The following PTPRD variants were observed in gnomAD, a reference collection of about 807,000 sequenced individuals.
The protein encoded by PTPRD is receptor-type tyrosine-protein phosphatase delta.
In PTPRD, 34 loss-of-function variants were observed where a neutral mutation model predicts 214.5. The ratio of observed to expected loss-of-function variants is 0.16; its 90% CI spans 0.12 to 0.21. PTPRD has a LOEUF of 0.21. PTPRD is among the 10% of genes least tolerant of loss of function. The pLI is 1.00. For synonymous variants in PTPRD, 1,128 were observed against 845.7 expected, an observed-to-expected ratio of 1.33 and a Z score of -5.79; for missense variants, 2,545 against 2,398.7, an observed-to-expected ratio of 1.06 and a Z score of -1.27.
At chr9:8,527,832 T>A (rs975190526) in intron 15 of PTPRD, among the ~76,000 whole-genome samples, 59 of 152,124 alleles carry the variant, frequency 3.9e-4, no homozygotes, top group African/African-American at 1.3e-3. Context: ...AGCTGGAGTC[T>A]ACACCAAAAG....
chr9:9,027,497 A>C (rs974366295), intron 10 of PTPRD, among the ~76,000 whole-genome samples: 6 of 151,932 alleles, frequency 3.9e-5, no homozygotes, highest in Non-Finnish European at 1.5e-5. Flanking sequence ...TTTTAGCATC[A>C]ATATTATTAA....
At chr9:9,317,804 AT>A (rs1346232315) in intron 9 of PTPRD, among the ~76,000 whole-genome samples, 2 of 152,122 alleles carry the variant, frequency 1.3e-5, no homozygotes, top group Non-Finnish European at 2.9e-5. Context: ...GATATTAATA[AT>A]TTTTTTCATC....
intron 4 of PTPRD, among the ~76,000 whole-genome samples, chr9:9,978,670 T>C (rs149004812): frequency 1.3e-5 from 2 of 152,114 alleles, no homozygotes; most frequent in East Asian, 1.9e-4. Flanking sequence ...ATATAATATA[T>C]GCACAGATAG....
intron 36 of PTPRD, 49 bp from the exon 37 acceptor site, chr9:8,389,456 A>C (rs563943916): frequency 6.8e-7 from 1 of 1,474,858 alleles, no homozygotes; most frequent in East Asian, 2.3e-5. Context: ...TCACAAGAGG[A>C]AACAGCCTGG....
intron 4 of PTPRD, among the ~76,000 whole-genome samples, chr9:10,005,573 T>A: frequency 6.6e-6 from 1 of 152,136 alleles, no homozygotes; most frequent in East Asian, 1.9e-4. Flanking sequence ...CCTTTCTTAA[T>A]TCTTCCTAAA....
At chr9:10,523,601 GTATATA>G (rs201455705) in intron 2 of PTPRD, among the ~76,000 whole-genome samples, 1,609 of 64,350 alleles carry the variant, frequency 0.025, 111 homozygotes, top group African/African-American at 0.057. Context: ...ATATTTATCT[GTATATA>G]TATATATATA....
At chr9:9,547,523 A>C (rs1283948834) in intron 8 of PTPRD, among the ~76,000 whole-genome samples, 1 of 151,948 alleles carries the variant, frequency 6.6e-6, no homozygotes, top group Non-Finnish European at 1.5e-5. Flanking sequence ...GTCTACTTTC[A>C]ACTGTTTGAG....
chr9:9,656,025 G>T (rs2096503699), intron 7 of PTPRD, among the ~76,000 whole-genome samples: 1 of 152,106 alleles, frequency 6.6e-6, no homozygotes, highest in Admixed American at 6.6e-5. Flanking sequence ...ATGAAAAGTT[G>T]CTCAACATCA....
At chr9:9,102,208 C>T (rs2099792347) in intron 10 of PTPRD, among the ~76,000 whole-genome samples, 1 of 152,072 alleles carries the variant, frequency 6.6e-6, no homozygotes, top group Non-Finnish European at 1.5e-5. Flanking sequence ...TTTTTAATAG[C>T]TTTTCATTTT....
intron 2 of PTPRD, among the ~76,000 whole-genome samples, chr9:10,469,209 G>C (rs2099014246): frequency 6.6e-6 from 1 of 152,180 alleles, no homozygotes; most frequent in Admixed American, 6.5e-5. Context: ...AACAACTTCA[G>C]TTATGAAGTA....
rs574754461 is a variant in PTPRD, at chr9:8,556,560, A to G, written c.353-27781T>C. On this transcript the variant is annotated intron_variant, in intron 14 of 45. Transcript: ENST00000381196. Reference sequence around the variant, plus strand: ...ATGTACACATACTTGTGTATTTTATATTTCTTTATATATCTGTTAGAATAA... The same window carrying G: ...ATGTACACATACTTGTGTATTTTATGTTTCTTTATATATCTGTTAGAATAA... Among the ~76,000 whole-genome samples, 20 of 152,264 alleles carry G rather than the reference A, an allele frequency of 1.3e-4. No homozygotes were observed. In the Middle Eastern group the frequency reaches 0.01, roughly 78 times the overall value.
At chr9:9,571,144 G>T (rs2086250639) in intron 8 of PTPRD, among the ~76,000 whole-genome samples, 1 of 151,474 alleles carries the variant, frequency 6.6e-6, no homozygotes, top group South Asian at 2.1e-4. Context: ...TTCTAAAAAG[G>T]TGTATACTGC....
intron 14 of PTPRD, among the ~76,000 whole-genome samples, chr9:8,563,556 C>T (rs1259056638): frequency 2.6e-5 from 4 of 151,450 alleles, no homozygotes; most frequent in Admixed American, 2.6e-4. Context: ...CCTGCCTCAG[C>T]CTCCTGAGTA....
intron 7 of PTPRD, among the ~76,000 whole-genome samples, chr9:9,591,634 T>A (rs1366655982): frequency 6.6e-6 from 1 of 152,048 alleles, no homozygotes; most frequent in African/African-American, 2.4e-5. Flanking sequence ...AGTGAATACA[T>A]ATTTAGCTAT....
chr9:8,450,950 G>A (rs1192210785), intron 33 of PTPRD, among the ~76,000 whole-genome samples: 2 of 152,140 alleles, frequency 1.3e-5, no homozygotes, highest in Non-Finnish European at 2.9e-5. Context: ...GGGAAAAGGT[G>A]CTGCACAGTG....
intron 10 of PTPRD, among the ~76,000 whole-genome samples, chr9:9,145,425 G>A (rs1262015462): frequency 6.7e-6 from 1 of 150,068 alleles, no homozygotes; most frequent in Non-Finnish European, 1.5e-5. Context: ...TAGATATTGA[G>A]TGTCCTTTTA....
intron 9 of PTPRD, among the ~76,000 whole-genome samples, chr9:9,352,074 C>A (rs1308308666): frequency 2.6e-5 from 4 of 151,900 alleles, no homozygotes; most frequent in Non-Finnish European, 5.9e-5. Context: ...TCCCAAAGTG[C>A]TGGGATTACA....
intron 2 of PTPRD, among the ~76,000 whole-genome samples, chr9:10,598,220 C>T (rs1361993221): frequency 2.0e-5 from 3 of 151,696 alleles, no homozygotes; most frequent in Non-Finnish European, 2.9e-5. Flanking sequence ...GATATTACTC[C>T]GAACTTGAAC....
At chr9:9,923,228 AT>A (rs777668787) in intron 5 of PTPRD, among the ~76,000 whole-genome samples, 1 of 139,996 alleles carries the variant, frequency 7.1e-6, no homozygotes. Context: ...GGTGTTGTAT[AT>A]TTTTACACCC....
Sources: gnomAD v4.1 joint callset for allele counts (sites outside exome capture counted in the v4.1 genomes callset) on GRCh38, gnomAD v4.1.1 for gene constraint, MANE v1.5 for transcripts, NCBI Gene and HGNC (gene_info 2026-07-23, HGNC 2026-07-21) for gene names.